The following VPS52 variants were observed in gnomAD, a reference collection of about 807,000 sequenced individuals.
The protein encoded by VPS52 is vacuolar protein sorting-associated protein 52 homolog.
In VPS52, 56 loss-of-function variants were observed where a neutral mutation model predicts 98.7. The observed-to-expected ratio is 0.57, with a 90% CI of 0.46 to 0.71. The LOEUF is 0.71. Ranked by LOEUF, VPS52 falls within the 30% of genes least tolerant of loss-of-function variation. The probability of loss-of-function intolerance (pLI) is 0.00; values close to 1 mark genes in which losing one functional copy is unlikely to be tolerated. For synonymous variants in VPS52, 348 were observed against 346.4 expected, an observed-to-expected ratio of 1.00 and a Z score of -0.05; for missense variants, 742 against 925.9, an observed-to-expected ratio of 0.80 and a Z score of 2.58.
chr6:33,263,715 C>G, intron 16 of VPS52, 57 bp downstream of exon 16: 1 of 1,603,874 alleles, frequency 6.2e-7, no homozygotes, highest in Non-Finnish European at 8.5e-7. Context: ...GAGCTAACAG[C>G]AGTGGGGGAA....
chr6:33,269,464 A>AG, intron 5 of VPS52, 26 bp downstream of exon 5: 2 of 1,612,816 alleles, frequency 1.2e-6, no homozygotes, highest in Middle Eastern at 1.6e-4. Context: ...AGTAGCTATT[A>AG]GGGGTCACAG....
intron 1 of VPS52, 70 bp from the exon 2 acceptor site, chr6:33,270,353 C>T: frequency 4.2e-6 from 6 of 1,425,536 alleles, no homozygotes; most frequent in Non-Finnish European, 5.8e-6. Context: ...ATTGGATATC[C>T]CCAGTCCTTC....
intron 19 of VPS52, 77 bp downstream of exon 19, chr6:33,251,441 A>C: frequency 1.0e-6 from 1 of 993,494 alleles, no homozygotes; most frequent in Non-Finnish European, 1.6e-6. Context: ...CACTTAGATG[A>C]TGCTGAGCCC....
chr6:33,264,451 T>C lies in VPS52; in HGVS notation c.1447A>G (p.Ile483Val), dbSNP rs567641181. The change falls in exon 14 of 20, where the codon ATC becomes GTC. Residue 483 changes from isoleucine (I) to valine (V), a missense_variant. Physicochemically the swap from Ile to Val is conservative, Grantham distance 29 (BLOSUM62 3). Around this residue, in one of 2 missense-constraint regions of VPS52, gnomAD observed 590 missense variants for 793.3 expected, o/e 0.74. Coordinates refer to ENST00000445902, the MANE Select transcript of VPS52 (RefSeq NM_022553.6). ...ACGCTCTGAACATTCATCTCCAGGA[T>C]CAGTTCAAACCGTGGCCATAGCAAG... Reference protein sequence around the residue: ...LALLWPRFELILEMNVQSVRS... With the variant: ...LALLWPRFELVLEMNVQSVRS... 1.3e-4 allele frequency: 211 copies of C among 1,614,090 alleles called. 1 individual carries two copies. In the South Asian group the frequency reaches 2.3e-3, roughly 18 times the overall value.
intron 17 of VPS52, among the ~76,000 whole-genome samples, chr6:33,252,317 A>G (rs1762366968): frequency 6.6e-6 from 1 of 152,204 alleles, no homozygotes; most frequent in East Asian, 1.9e-4. Context: ...GGCCGGGCAC[A>G]GTGGCTCACG....
At chr6:33,271,385 A>C (rs1364609873) in intron 1 of VPS52, 1 of 773,376 alleles carries the variant, frequency 1.3e-6, no homozygotes, top group Non-Finnish European at 2.2e-6. Context: ...TGAAGTTGAA[A>C]TTTTGTGCCC....
intron 17 of VPS52, among the ~76,000 whole-genome samples, chr6:33,259,345 T>A (rs1456923202): frequency 1.3e-5 from 2 of 152,190 alleles, no homozygotes; most frequent in Non-Finnish European, 2.9e-5. Flanking sequence ...AAGGTAAAGA[T>A]CAGGTCGCCT....
At position 33,264,299 on chromosome 6, in the gene VPS52, A is replaced by T. The variant is rs768379569; in HGVS notation, c.1524+75T>A. On this transcript the variant is annotated intron_variant, in intron 14 of 19. Coordinates refer to ENST00000445902, the MANE Select transcript of VPS52 (RefSeq NM_022553.6). ...TAGCGTGGCCCATGACACAACTGTG[A>T]CCTTGGCCAACCCCCACAATGATGC... The T allele has an allele frequency of 1.8e-5, 28 of 1,589,106 alleles. 1 individual carries two copies. The Admixed American group carries it at 3.3e-4, about 19-fold the overall frequency.
chr6:33,271,426 G>A (rs1192461424), intron 1 of VPS52, 160 bp downstream of exon 1: 7 of 1,061,480 alleles, frequency 6.6e-6, no homozygotes, highest in Non-Finnish European at 8.5e-6. Context: ...CTAGGGTCCC[G>A]CTCAGGGTCG....
chr6:33,264,696 C>T, intron 13 of VPS52, 86 bp downstream of exon 13: 1 of 1,431,704 alleles, frequency 7.0e-7, no homozygotes. Flanking sequence ...GATACCAGGT[C>T]AGTAGGAGTC....
intron 17 of VPS52, among the ~76,000 whole-genome samples, chr6:33,252,936 A>G (rs1164077599): frequency 6.8e-6 from 1 of 147,814 alleles, no homozygotes; most frequent in Non-Finnish European, 1.5e-5. Context: ...ATCCCTGTAG[A>G]AAAAAAAAAA....
Position 33,268,943 on chromosome 6 carries a change from G to A in VPS52, c.548+71C>T. On this transcript the variant is annotated intron_variant, in intron 6 of 19. Transcript: ENST00000445902. This position sits in a 1 kb window ranked among gnomAD's most constrained non-coding sequence, Gnocchi z 4.0. ...AACCTGGAGCCAGGAGACCCATATGGTAAATAGGGTGGGTCACCCCAGCCC... is the reference window on the plus strand; with the variant it reads ...AACCTGGAGCCAGGAGACCCATATGATAAATAGGGTGGGTCACCCCAGCCC... The A allele has an allele frequency of 1.3e-6, 2 of 1,565,876 alleles. No individual in the cohort carries two copies. Among genetic ancestry groups the A allele is most frequent in the Non-Finnish European group, 1.7e-6 (2 of 1,153,444 alleles).
chr6:33,256,873 A>G (rs1763050674), intron 17 of VPS52, among the ~76,000 whole-genome samples: 1 of 147,420 alleles, frequency 6.8e-6, no homozygotes, highest in Non-Finnish European at 1.5e-5. Context: ...AAAAAAAAGA[A>G]AAGAAAAAGA....
At chr6:33,254,668 CTTT>C (rs1333251142) in intron 17 of VPS52, 2 of 151,416 alleles carry the variant, frequency 1.3e-5, no homozygotes, top group African/African-American at 4.9e-5. Flanking sequence ...TTAAGTATAT[CTTT>C]TTTTTCTTTT....
chr6:33,271,491 A>G lies in VPS52; in HGVS notation c.90+95T>C, dbSNP rs1765073348. On this transcript the variant is annotated intron_variant, in intron 1 of 19. Transcript: ENST00000445902. ...CCAAACAGGTAATATCACGGGTAGC[A>G]GCCAAGTTCCCACCCTTGTGCCTAA... is the stretch of plus-strand genomic sequence containing the variant. The G allele has an allele frequency of 1.8e-5, 27 of 1,521,096 alleles. No homozygotes were observed. In the East Asian group the frequency reaches 6.4e-4, roughly 36 times the overall value. 94.2% of individuals were successfully genotyped at this position (1,521,096 alleles called of 1,614,324 possible).
rs763448973 is a variant in VPS52, at chr6:33,250,553, T to C, written c.*288A>G. Reference sequence around the variant, plus strand: ...GGGGAAGAAACAAGCCTTGGGTGTATGGGAGCAGGAAAGGAGGGTGACAGA... The same window carrying C: ...GGGGAAGAAACAAGCCTTGGGTGTACGGGAGCAGGAAAGGAGGGTGACAGA... On this transcript the variant is annotated 3_prime_UTR_variant, in exon 20 of 20. Coordinates refer to ENST00000445902, the MANE Select transcript of VPS52 (RefSeq NM_022553.6). 5 of 417,092 alleles carry C rather than the reference T, an allele frequency of 1.2e-5. No homozygotes were observed. Among genetic ancestry groups the C allele is most frequent in the Admixed American group, 8.3e-5 (2 of 24,064 alleles). The allele number at this position is 417,092 out of a possible 1,614,324, so 25.8% of individuals were successfully genotyped here.
At chr6:33,270,946 G>A (rs1401968939) in intron 1 of VPS52, among the ~76,000 whole-genome samples, 1 of 105,040 alleles carries the variant, frequency 9.5e-6, no homozygotes, top group Non-Finnish European at 1.8e-5. Context: ...GCAAGACTCC[G>A]TCTCAAAAAA....
Position 33,267,704 on chromosome 6 carries a change from A to G in VPS52, c.969T>C (p.Gly323=). 2.5e-6 allele frequency: 4 copies of G among 1,612,890 alleles called. No individual in the cohort carries two copies. The highest frequency in any genetic ancestry group is 3.4e-6 in the Non-Finnish European group (4 of 1,179,998). ...EEVAEKDDLM[G]VEDTAKKGFF... is the part of the protein sequence containing the mutation. ...TATCTTTCTTTGCTGTATCTTCCAC[A>G]CCCATTAGATCATCTTTCTCAGCGA... Residue 323 remains glycine (G), a synonymous_variant, in exon 10 of 20, where the codon GGT becomes GGC. Coordinates refer to ENST00000445902, the MANE Select transcript of VPS52 (RefSeq NM_022553.6). This position sits in a 1 kb window ranked among gnomAD's most constrained non-coding sequence, Gnocchi z 4.2.
In VPS52 at chr6:33,271,671, G is replaced by C; in HGVS notation, c.5C>G (p.Ala2Gly). 1 of 1,607,088 alleles carries C rather than the reference G, an allele frequency of 6.2e-7. No homozygotes were observed. The highest frequency in any genetic ancestry group is 8.5e-7 in the Non-Finnish European group (1 of 1,176,350). Residue 2 changes from alanine (A) to glycine (G), a missense_variant, in exon 1 of 20, where the codon GCC (alanine) becomes GGC (glycine). Ala to Gly is a moderately conservative substitution (Grantham distance 60). This residue lies in a region of VPS52 where 152 missense variants were observed against 132.6 expected (regional missense o/e 1.15). Coordinates refer to ENST00000445902, the MANE Select transcript of VPS52 (RefSeq NM_022553.6). The stretch of plus-strand genomic sequence containing the variant: ...CGCAGCCGCCATGGTCGCAGCGGCG[G>C]CCATTCCCCGCAGCCTCACTTCCGG... MAAAATMAAAAR... is the reference protein window; with the variant it reads MGAAATMAAAAR...
Sources: gnomAD v4.1 joint callset for allele counts (sites outside exome capture counted in the v4.1 genomes callset) on GRCh38, gnomAD v4.1.1 for gene constraint, gnomAD v4.1.1 regional missense constraint, Gnocchi (gnomAD v3.1) non-coding constraint, MANE v1.5 for transcripts, NCBI Gene and HGNC (gene_info 2026-07-23, HGNC 2026-07-21) for gene names.